LHX1: variants seen among roughly 807,000 people sequenced by gnomAD.
LHX1 encodes LIM homeobox 1.
In LHX1, 9 loss-of-function variants were observed where a neutral mutation model predicts 34.1. That is an observed-to-expected ratio of 0.26 (90% CI 0.16 to 0.46). The LOEUF (loss-of-function observed/expected upper bound fraction) is 0.46, where lower values mean the gene tolerates loss of function less well. Ranked by LOEUF, LHX1 falls within the 20% of genes least tolerant of loss-of-function variation. The pLI, the probability that LHX1 is intolerant of heterozygous loss-of-function variation, is 1.00. For missense variants in LHX1, 446 were observed against 559.1 expected, an observed-to-expected ratio of 0.80 and a Z score of 2.04; for synonymous variants, 254 against 241.5, an observed-to-expected ratio of 1.05 and a Z score of -0.48.
chr17:36,940,322 A>T lies in LHX1; in HGVS notation c.203A>T (p.Gln68Leu). 1 of 1,317,074 alleles carries T rather than the reference A, an allele frequency of 7.6e-7. No homozygotes were observed. The highest frequency in any genetic ancestry group is 9.9e-7 in the Non-Finnish European group (1 of 1,005,574). 81.6% of individuals were successfully genotyped at this position (1,317,074 alleles called of 1,614,324 possible). A position where few individuals can be genotyped will look rare whatever the true frequency, so the allele number is the denominator to read the frequency against. Reference sequence around the variant, plus strand: ...GGTACCAAATGCGCAGGCTGCGCTCAGGGCATCTCCCCTAGCGACCTGGTG... The same window carrying T: ...GGTACCAAATGCGCAGGCTGCGCTCTGGGCATCTCCCCTAGCGACCTGGTG... The part of the protein sequence containing the change: ...CFGTKCAGCA[Q>L]GISPSDLVRR... The change falls in exon 2 of 5, where the codon CAG (glutamine) becomes CTG (leucine). Residue 68 changes from glutamine to leucine, a missense_variant. Gln to Leu is a moderately radical substitution (Grantham distance 113). This residue lies in a region of LHX1 where 168 missense variants were observed against 226.6 expected (regional missense o/e 0.74). Transcript: ENST00000614239.
chr17:36,938,079 G>T lies in LHX1; in HGVS notation c.-119G>T. On this transcript the variant is annotated 5_prime_UTR_variant, in exon 1 of 5. Coordinates refer to ENST00000614239, the MANE Select transcript of LHX1 (RefSeq NM_005568.5). ...TGCGAGTTTTGGCTTGCACGGCCGA[G>T]TGTGTGTCCTCTTTTTGGAGAGACT... 1.0e-6 allele frequency: 1 copy of T among 990,334 alleles called. No homozygotes were observed. 61.3% of individuals were successfully genotyped at this position (990,334 alleles called of 1,614,324 possible). A position where few individuals can be genotyped will look rare whatever the true frequency, so the allele number is the denominator to read the frequency against.
Position 36,937,938 on chromosome 17 carries a change from C to G in LHX1, c.-260C>G. 1.7e-6 allele frequency: 1 copy of G among 602,446 alleles called. No individual in the cohort carries two copies. Among genetic ancestry groups the G allele is most frequent in the Non-Finnish European group, 3.0e-6 (1 of 334,680 alleles). 37.3% of individuals were successfully genotyped at this position (602,446 alleles called of 1,614,324 possible). ...AGACTTCTTTTCCTCGCCCCGGGAG[C>G]TCAGGCGGCGCCGCTCCAGCCCGGG... is the stretch of plus-strand genomic sequence containing the variant. On this transcript the variant is annotated 5_prime_UTR_variant, in exon 1 of 5. Transcript: ENST00000614239.
At chr17:36,939,062 C>G (rs3826452) in intron 1 of LHX1, among the ~76,000 whole-genome samples, 11,979 of 152,276 alleles carry the variant, frequency 0.079, 805 homozygotes, top group African/African-American at 0.17. Flanking sequence ...CTCCCACGGG[C>G]TCCGCTCAGT....
chr17:36,937,450 A>G (rs564481857), upstream of LHX1: 2 of 320,944 alleles, frequency 6.2e-6, no homozygotes, highest in South Asian at 2.2e-5. Context: ...AAGCGGGGAA[A>G]CCTAAGCAAC....
In LHX1 at chr17:36,943,195, T is replaced by TTGA; in HGVS notation, c.*64_*65insTGA. On this transcript the variant is annotated 3_prime_UTR_variant, in exon 5 of 5. Coordinates refer to ENST00000614239, the MANE Select transcript of LHX1 (RefSeq NM_005568.5). Reference sequence around the variant, plus strand: ...GAAATGAACCTTTATTTAAGAAAAATAGAAAAAAAAAAACATAAAAAGCAA... The same window carrying TTGA: ...GAAATGAACCTTTATTTAAGAAAAATTGAAGAAAAAAAAAAACATAAAAAGCAA... 1 of 1,139,982 alleles carries TTGA rather than the reference T, an allele frequency of 8.8e-7. No individual in the cohort carries two copies. The highest frequency in any genetic ancestry group is 1.1e-6 in the Non-Finnish European group (1 of 884,626). The allele number at this position is 1,139,982 out of a possible 1,614,324, so 70.6% of individuals were successfully genotyped here.
intron 3 of LHX1, chr17:36,941,393 G>C: frequency 2.9e-6 from 1 of 340,074 alleles, no homozygotes. Context: ...CCGGGAGTCA[G>C]CTCTGCTTCC....
upstream of LHX1, chr17:36,936,999 G>C (rs1486172423): frequency 3.7e-6 from 1 of 270,066 alleles, no homozygotes; most frequent in Non-Finnish European, 7.3e-6. Context: ...AGCTCTCCAA[G>C]CTGCCCCCCT....
Position 36,942,373 on chromosome 17 carries a change from C to A in LHX1, c.841+8C>A, listed in dbSNP as rs374842513. On this transcript the variant is annotated splice_region_variant and intron_variant, in intron 4 of 4. Coordinates refer to ENST00000614239, the MANE Select transcript of LHX1 (RefSeq NM_005568.5). The stretch of plus-strand genomic sequence containing the variant: ...CCTTCTCCTTCTACGGAGGTGGGTG[C>A]GCGCCGAATGGCGGGGCGCGGCCAG... 8 of 1,575,622 alleles carry A rather than the reference C, an allele frequency of 5.1e-6. No individual in the cohort carries two copies. Among genetic ancestry groups the A allele is most frequent in the South Asian group, 4.6e-5 (4 of 86,320 alleles).
intron 3 of LHX1, among the ~76,000 whole-genome samples, chr17:36,941,991 C>A (rs2070767800): frequency 6.6e-6 from 1 of 152,212 alleles, no homozygotes; most frequent in Admixed American, 6.5e-5. Context: ...CCAGGTCCTC[C>A]TGTGGGATTC....
upstream of LHX1, chr17:36,937,421 G>A (rs2070733441): frequency 3.1e-6 from 1 of 327,030 alleles, no homozygotes; most frequent in Non-Finnish European, 6.0e-6. Context: ...GTTTTCGATT[G>A]ACACAAACAC....
chr17:36,938,069 G>T lies in LHX1; in HGVS notation c.-129G>T. The T allele has an allele frequency of 1.1e-6, 1 of 893,560 alleles. No individual in the cohort carries two copies. The highest frequency in any genetic ancestry group is 1.8e-6 in the Non-Finnish European group (1 of 562,178). The allele number at this position is 893,560 out of a possible 1,614,324, so 55.4% of individuals were successfully genotyped here. A position where few individuals can be genotyped will look rare whatever the true frequency, so the allele number is the denominator to read the frequency against. On this transcript the variant is annotated 5_prime_UTR_variant, in exon 1 of 5. Coordinates refer to ENST00000614239, the MANE Select transcript of LHX1 (RefSeq NM_005568.5). ...GATTTCCTGGTGCGAGTTTTGGCTT[G>T]CACGGCCGAGTGTGTGTCCTCTTTT...
At chr17:36,938,749 C>T in intron 1 of LHX1, 1 of 383,110 alleles carries the variant, frequency 2.6e-6, no homozygotes, top group Non-Finnish European at 5.0e-6. Context: ...GTTGTTTGCC[C>T]TCCAGGCAGA....
Position 36,943,118 on chromosome 17 carries a change from C to G in LHX1, c.1208C>G (p.Ala403Gly). 1.9e-6 allele frequency: 3 copies of G among 1,612,006 alleles called. No homozygotes were observed. The highest frequency in any genetic ancestry group is 2.7e-5 in the African/African-American group (2 of 74,902). Residue 403 changes from alanine to glycine, a missense_variant, in exon 5 of 5, where the codon GCG (alanine) becomes GGG (glycine). Ala to Gly is a moderately conservative substitution (Grantham distance 60). Around this residue, in one of 3 missense-constraint regions of LHX1, gnomAD observed 235 missense variants for 224.4 expected, o/e 1.05. Transcript: ENST00000614239. ...HLSHPPEMNE[A>G]AVW ...TCCCACCCCCCCGAAATGAACGAGG[C>G]GGCCGTGTGGTAGCGGGGTCTCGCA...
rs755550501 is a variant in LHX1, at chr17:36,943,066, G to A, written c.1156G>A (p.Gly386Ser). Residue 386 changes from glycine to serine, a missense_variant, in exon 5 of 5, where the codon GGT becomes AGT. By Grantham distance (56) the Gly-to-Ser change is moderately conservative. Around this residue, in one of 3 missense-constraint regions of LHX1, gnomAD observed 235 missense variants for 224.4 expected, o/e 1.05. Transcript: ENST00000614239. ...SPPFSSLSVN[G>S]GASYGNHLSH... ...GCCCTTCTCGTCGCTGTCGGTCAAC[G>A]GTGGGGCGAGCTACGGAAACCACCT... 40 of 1,609,496 alleles carry A rather than the reference G, an allele frequency of 2.5e-5. No individual in the cohort carries two copies. The highest frequency in any genetic ancestry group is 1.6e-4 in the Middle Eastern group (1 of 6,074).
rs1276314267 is a variant in LHX1 at position 36,944,150 on chromosome 17, A to T, written c.*1019A>T. On this transcript the variant is annotated 3_prime_UTR_variant, in exon 5 of 5. Coordinates refer to ENST00000614239, the MANE Select transcript of LHX1 (RefSeq NM_005568.5). Reference sequence around the variant, plus strand: ...CGGCTCACTGTGCTAGTATGTAAAAAGGTGTTGTTTACACGAGGCAAAGAG... The same window carrying T: ...CGGCTCACTGTGCTAGTATGTAAAATGGTGTTGTTTACACGAGGCAAAGAG... 1 of 152,130 alleles carries T rather than the reference A, an allele frequency of 6.6e-6. No individual in the cohort carries two copies. The highest frequency in any genetic ancestry group is 1.9e-4 in the East Asian group (1 of 5,194). 9.4% of individuals were successfully genotyped at this position (152,130 alleles called of 1,614,324 possible).
At chr17:36,940,198 T>C in intron 1 of LHX1, 92 bp from the exon 2 acceptor site, 1 of 748,252 alleles carries the variant, frequency 1.3e-6, no homozygotes, top group Non-Finnish European at 2.3e-6. Flanking sequence ...ACATCTTCCC[T>C]CTTTCTCGCT....
At chr17:36,940,050 C>G (rs2070754023) in intron 1 of LHX1, 2 of 598,216 alleles carry the variant, frequency 3.3e-6, no homozygotes, top group East Asian at 2.8e-5. Flanking sequence ...GCGTGTATCC[C>G]CTCCCTAACT....
chr17:36,940,285 C>G lies in LHX1; in HGVS notation c.171-5C>G, dbSNP rs1463010830. ...CCCCCGCCCCCCACCCCCACCCCCC[C>G]GCAGGTGTTTCGGTACCAAATGCGC... On this transcript the variant is annotated splice_polypyrimidine_tract_variant and splice_region_variant and intron_variant, in intron 1 of 4. Coordinates refer to ENST00000614239, the MANE Select transcript of LHX1 (RefSeq NM_005568.5). 2 of 1,339,892 alleles carry G rather than the reference C, an allele frequency of 1.5e-6. No homozygotes were observed. The highest frequency in any genetic ancestry group is 1.0e-6 in the Non-Finnish European group (1 of 975,142). The allele number at this position is 1,339,892 out of a possible 1,614,324, so 83.0% of individuals were successfully genotyped here.
intron 1 of LHX1, 63 bp from the exon 2 acceptor site, chr17:36,940,227 T>C (rs965838315): frequency 1.3e-5 from 12 of 942,232 alleles, no homozygotes; most frequent in South Asian, 2.9e-5. Flanking sequence ...TCTCTCCGCC[T>C]GTCTCCCCTT....
Sources: allele counts gnomAD v4.1 joint callset (sites outside exome capture counted in the v4.1 genomes callset), GRCh38; gene constraint gnomAD v4.1.1; regional missense constraint gnomAD v4.1.1; transcripts MANE v1.5; gene names NCBI Gene and HGNC (gene_info 2026-07-23, HGNC 2026-07-21).